Variants in EBF1 observed in about 807,000 individuals in gnomAD.
EBF1 encodes EBF transcription factor 1.
A neutral mutation model predicts 68.4 loss-of-function variants in EBF1; 10 were observed. The observed-to-expected ratio is 0.15, with a 90% confidence interval of 0.09 to 0.25. EBF1 has a LOEUF of 0.25. Ranked by LOEUF, EBF1 falls within the 10% of genes least tolerant of loss-of-function variation. The probability of loss-of-function intolerance (pLI) is 1.00; values close to 1 mark genes in which losing one functional copy is unlikely to be tolerated. For missense variants in EBF1, 509 were observed against 794.4 expected (o/e 0.64, Z 4.32); for synonymous variants, 298 against 299.8 (o/e 0.99, Z 0.06).
At chr5:158,823,948 C>A (rs200242033) in intron 7 of EBF1, among the ~76,000 whole-genome samples, 2 of 138,478 alleles carry the variant, frequency 1.4e-5, no homozygotes, top group African/African-American at 2.6e-5. Context: ...AAAAAAAAAA[C>A]TGGTGGGAAT....
At chr5:158,880,820 C>G (rs1004723870) in intron 6 of EBF1, among the ~76,000 whole-genome samples, 12 of 152,166 alleles carry the variant, frequency 7.9e-5, no homozygotes, top group African/African-American at 2.2e-4. Context: ...AACAAAAATG[C>G]CTTCTTTGTT....
chr5:158,819,022 G>C (rs182923477), intron 8 of EBF1, among the ~76,000 whole-genome samples: 73 of 151,784 alleles, frequency 4.8e-4, no homozygotes, highest in Admixed American at 2.0e-3. Flanking sequence ...GTGAGCTCTA[G>C]AACGTGCTCA....
chr5:158,963,794 T>G (rs1165187279), intron 6 of EBF1, among the ~76,000 whole-genome samples: 1 of 152,112 alleles, frequency 6.6e-6, no homozygotes, highest in African/African-American at 2.4e-5. Flanking sequence ...CTGCACAATT[T>G]CTAGTGTAAA....
intron 9 of EBF1, among the ~76,000 whole-genome samples, chr5:158,783,025 G>GAA (rs11295464): frequency 1.4e-5 from 2 of 146,264 alleles, no homozygotes; most frequent in African/African-American, 2.5e-5. Flanking sequence ...AAGATGAAAT[G>GAA]AAAAAAAAAA....
chr5:159,058,246 G>T (rs1002700733), intron 6 of EBF1, among the ~76,000 whole-genome samples: 1 of 152,218 alleles, frequency 6.6e-6, no homozygotes, highest in Admixed American at 6.5e-5. Flanking sequence ...TGGAGGAGGG[G>T]GATGTAGGAG....
intron 10 of EBF1, among the ~76,000 whole-genome samples, chr5:158,749,398 T>C (rs919159953): frequency 3.9e-5 from 6 of 152,164 alleles, no homozygotes; most frequent in Admixed American, 2.6e-4. Context: ...CAGAATCTAA[T>C]AGTCTTCCCC....
chr5:158,857,802 G>C (rs973961847), intron 6 of EBF1, among the ~76,000 whole-genome samples: 10 of 152,200 alleles, frequency 6.6e-5, no homozygotes, highest in African/African-American at 2.4e-4. Context: ...CCTTAGCTGG[G>C]ATTGTGACAA....
intron 6 of EBF1, among the ~76,000 whole-genome samples, chr5:158,852,228 T>C (rs1793088140): frequency 6.6e-6 from 1 of 150,574 alleles, no homozygotes; most frequent in Non-Finnish European, 1.5e-5. Flanking sequence ...CCCCAAGGTG[T>C]GGGGGGTGGG....
At chr5:158,833,297 C>CA (rs56221213) in intron 7 of EBF1, among the ~76,000 whole-genome samples, 1,783 of 135,352 alleles carry the variant, frequency 0.013, 16 homozygotes, top group Non-Finnish European at 0.019. Flanking sequence ...GACTCCATCT[C>CA]AAAAAAAAAA....
intron 9 of EBF1, among the ~76,000 whole-genome samples, chr5:158,794,813 A>T (rs1157160979): frequency 6.6e-6 from 1 of 152,204 alleles, no homozygotes; most frequent in Non-Finnish European, 1.5e-5. Flanking sequence ...GCAGCAAAAC[A>T]TGCCATGAAT....
At chr5:158,719,444 T>C (rs1199591667) in intron 11 of EBF1, among the ~76,000 whole-genome samples, 1 of 152,184 alleles carries the variant, frequency 6.6e-6, no homozygotes, top group African/African-American at 2.4e-5. Flanking sequence ...ATGACAAATA[T>C]GCAGACATAG....
chr5:158,953,695 G>A (rs775996953), intron 6 of EBF1, among the ~76,000 whole-genome samples: 14 of 152,094 alleles, frequency 9.2e-5, no homozygotes, highest in Non-Finnish European at 1.8e-4. Context: ...GTGTAGGAGA[G>A]GTGCATGAAA....
At chr5:158,912,170 C>T (rs1029764884) in intron 6 of EBF1, among the ~76,000 whole-genome samples, 5 of 152,190 alleles carry the variant, frequency 3.3e-5, no homozygotes, top group African/African-American at 9.7e-5. Flanking sequence ...AGAGTAAGGG[C>T]CCTTCCTCAT....
intron 6 of EBF1, among the ~76,000 whole-genome samples, chr5:159,052,709 G>C (rs972309490): frequency 1.3e-4 from 20 of 152,204 alleles, no homozygotes; most frequent in African/African-American, 4.8e-4. Context: ...CCTGGGGAGG[G>C]ATAATTGTTT....
At chr5:158,804,062 T>C (rs1212463201) in intron 8 of EBF1, among the ~76,000 whole-genome samples, 1 of 148,008 alleles carries the variant, frequency 6.8e-6, no homozygotes, top group African/African-American at 2.5e-5. Flanking sequence ...CTATTAAATA[T>C]TAAATGAGGA....
intron 4 of EBF1, among the ~76,000 whole-genome samples, chr5:159,089,037 C>A (rs528706351): frequency 6.6e-6 from 1 of 151,924 alleles, no homozygotes; most frequent in East Asian, 1.9e-4. Context: ...GTGAAATTGA[C>A]AAACAAGCTG....
At chr5:158,848,035 C>T (rs1791872954) in intron 6 of EBF1, among the ~76,000 whole-genome samples, 1 of 152,224 alleles carries the variant, frequency 6.6e-6, no homozygotes, top group South Asian at 2.1e-4. Context: ...CTCAACTTAG[C>T]AGTTACTACA....
intron 6 of EBF1, among the ~76,000 whole-genome samples, chr5:158,899,819 A>G (rs1437049998): frequency 1.3e-5 from 2 of 152,212 alleles, no homozygotes; most frequent in Non-Finnish European, 2.9e-5. Flanking sequence ...TAGGATGGCC[A>G]TTTCCATGAG....
intron 6 of EBF1, among the ~76,000 whole-genome samples, chr5:159,029,096 T>G (rs963617418): frequency 3.3e-5 from 5 of 152,112 alleles, no homozygotes; most frequent in Admixed American, 6.5e-5. Flanking sequence ...AAAGAATGAA[T>G]CAATGGGAAT....
Sources: allele counts gnomAD v4.1 joint callset (sites outside exome capture counted in the v4.1 genomes callset), GRCh38; gene constraint gnomAD v4.1.1; transcripts MANE v1.5; gene names NCBI Gene and HGNC (gene_info 2026-07-23, HGNC 2026-07-21).